SNRNP40: variants seen among roughly 807,000 people sequenced by gnomAD.
SNRNP40 encodes small nuclear ribonucleoprotein U5 subunit 40, also known as U5 small nuclear ribonucleoprotein 40 kDa protein.
Under a neutral mutation model 45.8 loss-of-function variants are expected in SNRNP40, and 21 were observed. That is an observed-to-expected ratio of 0.46 (90% CI 0.32 to 0.66). The LOEUF is 0.66. SNRNP40 is among the 30% of genes least tolerant of loss of function. SNRNP40 has a pLI of 0.03. For synonymous variants in SNRNP40, 142 were observed against 163.8 expected, an observed-to-expected ratio of 0.87 and a Z score of 1.01; for missense variants, 344 against 439.1, an observed-to-expected ratio of 0.78 and a Z score of 1.94.
rs1646153237 is a variant in SNRNP40, at chr1:31,296,144, T to C, written c.141+467A>G. 2.0e-5 allele frequency among the ~76,000 whole-genome samples: 3 copies of C among 152,194 alleles called. 1 individual carries two copies. Among genetic ancestry groups the C allele is most frequent in the Admixed American group, 6.5e-5 (1 of 15,272 alleles). On this transcript the variant is annotated intron_variant, in intron 1 of 9. Transcript: ENST00000263694. ...CGAAACACTTTAGTACAAGAGTCAA[T>C]GAATGTTAGCTGCTATTTAGTTGTT...
rs546530698 is a variant in SNRNP40 at position 31,277,989 on chromosome 1, C to T, written c.654+3385G>A. On this transcript the variant is annotated intron_variant, in intron 5 of 9. Coordinates refer to ENST00000263694, the MANE Select transcript of SNRNP40 (RefSeq NM_004814.3). ...GGATTACAGGCGTGAGCCAACACGC[C>T]CAGCAAACACTTTTTAGTTTACTAT... 2.0e-5 allele frequency among the ~76,000 whole-genome samples: 3 copies of T among 152,334 alleles called. No homozygotes were observed. The South Asian group carries it at 6.2e-4, about 32-fold the overall frequency.
At chr1:31,278,488 G>A (rs1307735322) in intron 5 of SNRNP40, among the ~76,000 whole-genome samples, 3 of 152,166 alleles carry the variant, frequency 2.0e-5, no homozygotes, top group Non-Finnish European at 4.4e-5. Flanking sequence ...AAGTATAAAA[G>A]TTATCATAGC....
chr1:31,292,180 C>T (rs924595229), intron 2 of SNRNP40, among the ~76,000 whole-genome samples, 174 bp from the exon 3 acceptor site: 7 of 152,050 alleles, frequency 4.6e-5, no homozygotes, highest in Admixed American at 1.3e-4. Context: ...GTGGCTGATA[C>T]GGCGAAACCC....
intron 5 of SNRNP40, among the ~76,000 whole-genome samples, chr1:31,272,430 T>C (rs1209327831): frequency 1.3e-5 from 2 of 152,216 alleles, no homozygotes; most frequent in Non-Finnish European, 2.9e-5. Context: ...TTATGGTTCA[T>C]AAGCACATTG....
intron 8 of SNRNP40, among the ~76,000 whole-genome samples, chr1:31,262,742 G>A (rs923190442): frequency 6.6e-6 from 1 of 151,970 alleles, no homozygotes; most frequent in African/African-American, 2.4e-5. Flanking sequence ...TTATGAGGCT[G>A]GGCATGGTGG....
At position 31,261,561 on chromosome 1, in the gene SNRNP40, T is replaced by C. The variant is rs374819308; in HGVS notation, c.992A>G (p.Asn331Ser). The C allele has an allele frequency of 4.2e-5, 67 of 1,613,896 alleles. No individual in the cohort carries two copies. Among genetic ancestry groups the C allele is most frequent in the South Asian group, 1.2e-4 (11 of 91,088 alleles). ...YKLPGHAGSI[N>S]EVAFHPDEPI... The stretch of plus-strand genomic sequence containing the variant: ...CTCATCAGGGTGGAAAGCCACTTCA[T>C]TGATGGAGCCAGCATGGCCGGGCAG... Residue 331 changes from asparagine (N) to serine (S), a missense_variant, in exon 9 of 10, where the codon AAT (asparagine) becomes AGT (serine). Around this residue, in one of 2 missense-constraint regions of SNRNP40, gnomAD observed 254 missense variants for 380.2 expected, o/e 0.67. Coordinates refer to ENST00000263694, the MANE Select transcript of SNRNP40 (RefSeq NM_004814.3).
intron 5 of SNRNP40, among the ~76,000 whole-genome samples, chr1:31,274,043 A>G (rs576945652): frequency 2.0e-5 from 3 of 152,244 alleles, no homozygotes; most frequent in South Asian, 4.1e-4. Context: ...GAGGGGCATG[A>G]AAAACACTGC....
intron 4 of SNRNP40, among the ~76,000 whole-genome samples, chr1:31,286,949 A>G (rs1464459130): frequency 6.6e-6 from 1 of 152,240 alleles, no homozygotes; most frequent in Non-Finnish European, 1.5e-5. Flanking sequence ...GAGTACATAC[A>G]CACATACACG....
At position 31,259,755 on chromosome 1, in the gene SNRNP40, C is replaced by A. The variant is rs1029338400; in HGVS notation, c.*317G>T. On this transcript the variant is annotated 3_prime_UTR_variant, in exon 10 of 10. Coordinates refer to ENST00000263694, the MANE Select transcript of SNRNP40 (RefSeq NM_004814.3). ...AAGAAAATATCATACAAGCCAGTTACAAAAAAAAAAAAAAAATCCCAACCA... is the reference window on the plus strand; with the variant it reads ...AAGAAAATATCATACAAGCCAGTTAAAAAAAAAAAAAAAAAATCCCAACCA... 1.6e-4 allele frequency: 71 copies of A among 441,826 alleles called. No individual in the cohort carries two copies. Among genetic ancestry groups the A allele is most frequent in the East Asian group, 5.8e-4 (10 of 17,314 alleles). 27.4% of individuals were successfully genotyped at this position (441,826 alleles called of 1,614,324 possible).
intron 6 of SNRNP40, among the ~76,000 whole-genome samples, chr1:31,270,075 G>GT (rs1461863721): frequency 1.3e-5 from 2 of 152,028 alleles, no homozygotes; most frequent in Non-Finnish European, 2.9e-5. Context: ...GCTAATTTTT[G>GT]TATTTTTAGT....
In SNRNP40 at chr1:31,259,726, C is replaced by A; in HGVS notation, c.*346G>T. The A allele has an allele frequency of 2.2e-5, 9 of 410,670 alleles. No individual in the cohort carries two copies. Among genetic ancestry groups the A allele is most frequent in the Admixed American group, 1.2e-4 (3 of 25,782 alleles). 25.4% of individuals were successfully genotyped at this position (410,670 alleles called of 1,614,324 possible). On this transcript the variant is annotated 3_prime_UTR_variant, in exon 10 of 10. Coordinates refer to ENST00000263694, the MANE Select transcript of SNRNP40 (RefSeq NM_004814.3). ...TAATACAAAATGATATAGAGAAATA[C>A]AGAAAGAAAATATCATACAAGCCAG...
At chr1:31,270,564 A>G (rs1242545244) in intron 6 of SNRNP40, among the ~76,000 whole-genome samples, 7 of 152,248 alleles carry the variant, frequency 4.6e-5, no homozygotes, top group African/African-American at 1.7e-4. Context: ...TTATTTGAGT[A>G]TGAAAAAAGT....
At chr1:31,293,490 CAT>C (rs764465729) in intron 1 of SNRNP40, 142 bp from the exon 2 acceptor site, 122 of 767,656 alleles carry the variant, frequency 1.6e-4, no homozygotes, top group Non-Finnish European at 2.1e-4. Context: ...TAGCTCTTCT[CAT>C]ATGAATGCCT....
chr1:31,270,840 T>C (rs1645932936), intron 6 of SNRNP40, among the ~76,000 whole-genome samples: 1 of 152,208 alleles, frequency 6.6e-6, no homozygotes, highest in Admixed American at 6.5e-5. Context: ...TTACTTTTTT[T>C]CTGTAGTAAC....
chr1:31,276,903 G>A (rs1216143952), intron 5 of SNRNP40, among the ~76,000 whole-genome samples: 8 of 152,040 alleles, frequency 5.3e-5, no homozygotes, highest in South Asian at 4.2e-4. Context: ...ACGTGGTGGC[G>A]GCTGCCTGTA....
chr1:31,293,426 G>C, intron 1 of SNRNP40, 78 bp from the exon 2 acceptor site: 11 of 1,400,462 alleles, frequency 7.9e-6, no homozygotes, highest in Non-Finnish European at 8.6e-6. Flanking sequence ...GGGAGTGGAG[G>C]GAAAAGACCA....
intron 8 of SNRNP40, 43 bp from the exon 9 acceptor site, chr1:31,261,675 TG>T (rs772037599): frequency 1.5e-6 from 2 of 1,301,318 alleles, no homozygotes; most frequent in East Asian, 4.6e-5. Context: ...CTCTTAGAGC[TG>T]GGGGTAGGAC....
chr1:31,281,578 G>C, intron 4 of SNRNP40, 82 bp from the exon 5 acceptor site: 1 of 1,266,926 alleles, frequency 7.9e-7, no homozygotes, highest in South Asian at 1.9e-5. Context: ...TAAGTACGAG[G>C]ACTTTGTGGA....
rs575014128 is a variant in SNRNP40 at position 31,259,623 on chromosome 1, T to C, written c.*449A>G. 5.1e-6 allele frequency: 2 copies of C among 390,116 alleles called. No individual in the cohort carries two copies. Among genetic ancestry groups the C allele is most frequent in the African/African-American group, 4.2e-5 (2 of 47,230 alleles). The allele number at this position is 390,116 out of a possible 1,614,324, so 24.2% of individuals were successfully genotyped here. A position where few individuals can be genotyped will look rare whatever the true frequency, so the allele number is the denominator to read the frequency against. Reference sequence around the variant, plus strand: ...CCACATCATGCTCTATTCTGATTTATAGCAATCAAGCCTCAAAAAAAAGAC... The same window carrying C: ...CCACATCATGCTCTATTCTGATTTACAGCAATCAAGCCTCAAAAAAAAGAC... On this transcript the variant is annotated 3_prime_UTR_variant, in exon 10 of 10. Coordinates refer to ENST00000263694, the MANE Select transcript of SNRNP40 (RefSeq NM_004814.3).
Sources: gnomAD v4.1 joint callset for allele counts (sites outside exome capture counted in the v4.1 genomes callset) on GRCh38, gnomAD v4.1.1 for gene constraint, gnomAD v4.1.1 regional missense constraint, MANE v1.5 for transcripts, NCBI Gene and HGNC (gene_info 2026-07-23, HGNC 2026-07-21) for gene names.